Variants in SLC4A4 observed in about 807,000 individuals in gnomAD.
SLC4A4 encodes the protein solute carrier family 4 member 4.
A neutral mutation model predicts 111.5 loss-of-function variants in SLC4A4; 27 were observed. That is an observed-to-expected ratio of 0.24 (90% confidence interval 0.18 to 0.33). The LOEUF is 0.33. Ranked by LOEUF, SLC4A4 falls within the 10% of genes least tolerant of loss-of-function variation. SLC4A4 has a pLI of 1.00. For synonymous variants in SLC4A4, 443 were observed against 463.4 expected, an observed-to-expected ratio of 0.96 and a Z score of 0.57; for missense variants, 909 against 1,315.5, an observed-to-expected ratio of 0.69 and a Z score of 4.78.
chr4:71,466,224 G>A (rs551105888), intron 12 of SLC4A4, among the ~76,000 whole-genome samples: 5 of 152,216 alleles, frequency 3.3e-5, no homozygotes, highest in South Asian at 4.1e-4. Flanking sequence ...AGAGCAGGTC[G>A]ACCCTTGGAG....
intron 3 of SLC4A4, among the ~76,000 whole-genome samples, chr4:71,324,795 A>G (rs1727386488): frequency 6.6e-6 from 1 of 152,028 alleles, no homozygotes; most frequent in Non-Finnish European, 1.5e-5. Flanking sequence ...AAGCTACGGT[A>G]CAGATATTTC....
intron 6 of SLC4A4, among the ~76,000 whole-genome samples, chr4:71,385,759 T>G (rs1365221476): frequency 3.7e-4 from 57 of 152,142 alleles, no homozygotes; most frequent in Admixed American, 3.7e-3. Context: ...CTGATACACC[T>G]ATGGAATCCC....
intron 6 of SLC4A4, among the ~76,000 whole-genome samples, chr4:71,361,281 C>G (rs540499606): frequency 2.6e-5 from 4 of 152,324 alleles, no homozygotes; most frequent in Non-Finnish European, 4.4e-5. Context: ...TACCAGCACA[C>G]TACTGTCTTT....
chr4:71,362,406 A>G (rs138602103), intron 6 of SLC4A4, among the ~76,000 whole-genome samples: 63 of 152,372 alleles, frequency 4.1e-4, no homozygotes, highest in African/African-American at 1.5e-3. Flanking sequence ...AAAAGTAAGA[A>G]GAAATGTATA....
At chr4:71,102,171 G>A (rs1336337604) in intron 2 of SLC4A4, among the ~76,000 whole-genome samples, 1 of 151,852 alleles carries the variant, frequency 6.6e-6, no homozygotes, top group Non-Finnish European at 1.5e-5. Flanking sequence ...AAGGGTATCA[G>A]CAATGGAAGA....
chr4:71,116,883 C>T (rs902101742), intron 2 of SLC4A4, among the ~76,000 whole-genome samples: 1 of 150,844 alleles, frequency 6.6e-6, no homozygotes, highest in Non-Finnish European at 1.5e-5. Flanking sequence ...GCGGAGGTTG[C>T]GGTGAGCCAA....
At chr4:71,440,907 G>A (rs945474813) in intron 8 of SLC4A4, 134 bp downstream of exon 8, 8 of 999,520 alleles carry the variant, frequency 8.0e-6, no homozygotes, top group African/African-American at 6.4e-5. Context: ...AATAATGACT[G>A]TTTGACTTTT....
chr4:71,362,028 T>C (rs1268569407), intron 6 of SLC4A4, among the ~76,000 whole-genome samples: 3 of 152,188 alleles, frequency 2.0e-5, no homozygotes, highest in Non-Finnish European at 2.9e-5. Flanking sequence ...CAAAAAATCA[T>C]TGAGACCTGA....
At chr4:71,119,819 C>G (rs1210112907) in intron 2 of SLC4A4, among the ~76,000 whole-genome samples, 1 of 152,154 alleles carries the variant, frequency 6.6e-6, no homozygotes, top group East Asian at 1.9e-4. Context: ...CTCTCAAACG[C>G]TGTAGTATGT....
chr4:71,295,509 T>G (rs1220297005), intron 3 of SLC4A4, among the ~76,000 whole-genome samples: 3 of 152,226 alleles, frequency 2.0e-5, no homozygotes, highest in Middle Eastern at 3.2e-3. Context: ...CAAAATTGAT[T>G]GGAGAAGAAA....
At chr4:71,303,364 C>T (rs1340251361) in intron 3 of SLC4A4, among the ~76,000 whole-genome samples, 1 of 152,194 alleles carries the variant, frequency 6.6e-6, no homozygotes, top group African/African-American at 2.4e-5. Flanking sequence ...ATCAGTATGC[C>T]TATTAGCATT....
rs1404778515 is a variant in SLC4A4 at position 71,275,076 on chromosome 4, T to C, written c.253+19677T>C. On this transcript the variant is annotated intron_variant, in intron 3 of 25. Coordinates refer to ENST00000264485, the MANE Select transcript of SLC4A4 (RefSeq NM_001098484.3). ...CCTCAGCTCATTCATAGGCCTAGGA[T>C]GTTTTGCTTCCTTCCTTGATTGAAA... is the stretch of plus-strand genomic sequence containing the variant. Among the ~76,000 whole-genome samples the C allele has an allele frequency of 8.5e-5, 13 of 152,206 alleles. 1 individual carries two copies. The highest frequency in any genetic ancestry group is 8.5e-4 in the Admixed American group (13 of 15,284).
At chr4:71,506,284 CA>C (rs1731410296) in intron 16 of SLC4A4, among the ~76,000 whole-genome samples, 1 of 152,100 alleles carries the variant, frequency 6.6e-6, no homozygotes, top group Non-Finnish European at 1.5e-5. Context: ...GCAGTATGGC[CA>C]TTTTAACATT....
intron 2 of SLC4A4, among the ~76,000 whole-genome samples, chr4:71,178,583 G>C (rs147073830): frequency 2.0e-5 from 3 of 152,220 alleles, no homozygotes; most frequent in Admixed American, 6.5e-5. Context: ...ACACCTTTAC[G>C]CAAATAAACT....
intron 14 of SLC4A4, among the ~76,000 whole-genome samples, chr4:71,484,249 A>G (rs1729161467): frequency 6.6e-6 from 1 of 151,718 alleles, no homozygotes; most frequent in Non-Finnish European, 1.5e-5. Context: ...ATCTTTTCCC[A>G]TGGCTGTGTC....
intron 4 of SLC4A4, among the ~76,000 whole-genome samples, chr4:71,349,548 T>C (rs2148901937): frequency 6.6e-6 from 1 of 152,378 alleles, no homozygotes; most frequent in African/African-American, 2.4e-5. Context: ...TTTTATGCAC[T>C]GTAGGCTGTA....
chr4:71,331,242 A>G (rs1241470486), intron 3 of SLC4A4, among the ~76,000 whole-genome samples: 1 of 152,236 alleles, frequency 6.6e-6, no homozygotes, highest in African/African-American at 2.4e-5. Flanking sequence ...TATATACCCA[A>G]AGGATTATAA....
intron 16 of SLC4A4, among the ~76,000 whole-genome samples, chr4:71,515,272 T>A (rs1278888427): frequency 6.6e-6 from 1 of 152,150 alleles, no homozygotes; most frequent in Non-Finnish European, 1.5e-5. Context: ...CTATATATTT[T>A]TATAAATTTC....
chr4:71,303,798 C>T (rs764852782), intron 3 of SLC4A4, among the ~76,000 whole-genome samples: 3 of 151,964 alleles, frequency 2.0e-5, no homozygotes, highest in Non-Finnish European at 4.4e-5. Flanking sequence ...TTTTTCCCTC[C>T]CTTCCTCCCT....
Sources: gnomAD v4.1 joint callset for allele counts (sites outside exome capture counted in the v4.1 genomes callset) on GRCh38, gnomAD v4.1.1 for gene constraint, MANE v1.5 for transcripts, NCBI Gene and HGNC (gene_info 2026-07-23, HGNC 2026-07-21) for gene names.